RELL1: variants seen among roughly 807,000 people sequenced by gnomAD.
The protein encoded by RELL1 is RELT like 1.
RELL1 carries 10 observed loss-of-function variants against 23.0 expected under a neutral mutation model. That is an observed-to-expected ratio of 0.43 (90% CI 0.27 to 0.74). The LOEUF (loss-of-function observed/expected upper bound fraction) is 0.74. Among genes scored for constraint, RELL1 ranks in the 30% least tolerant of loss-of-function variants. The pLI, the probability that RELL1 is intolerant of heterozygous loss-of-function variation, is 0.19. For synonymous variants in RELL1, 146 were observed against 146.8 expected (o/e 0.99, Z 0.04); for missense variants, 315 against 364.4 (o/e 0.86, Z 1.10).
At chr4:37,679,112 G>A (rs531617807) in intron 1 of RELL1, among the ~76,000 whole-genome samples, 17 of 152,278 alleles carry the variant, frequency 1.1e-4, no homozygotes, top group Admixed American at 8.5e-4. Context: ...TAAGATGTCC[G>A]GCCCCTCTAC....
At chr4:37,605,237 G>A (rs943566660) in intron 6 of RELL1, among the ~76,000 whole-genome samples, 3 of 152,124 alleles carry the variant, frequency 2.0e-5, no homozygotes, top group African/African-American at 4.8e-5. Flanking sequence ...GTGTGTATCC[G>A]CATGGGTTGG....
intron 1 of RELL1, among the ~76,000 whole-genome samples, chr4:37,680,469 T>C (rs1024010863): frequency 5.3e-5 from 8 of 152,128 alleles, no homozygotes; most frequent in African/African-American, 1.4e-4. Context: ...AATAGATACA[T>C]AGAAGTAAAA....
intron 6 of RELL1, among the ~76,000 whole-genome samples, chr4:37,624,035 G>A (rs939743802): frequency 2.6e-5 from 4 of 152,236 alleles, no homozygotes; most frequent in East Asian, 1.9e-4. Context: ...CAAGCAGTAC[G>A]ACTTCCGAGG....
chr4:37,652,894 C>T (rs1560348526), intron 1 of RELL1, among the ~76,000 whole-genome samples: 2 of 152,136 alleles, frequency 1.3e-5, no homozygotes, highest in Non-Finnish European at 2.9e-5. Context: ...TCAGACCTGG[C>T]AGAAATAACA....
chr4:37,618,910 G>A (rs1486433351), intron 6 of RELL1, among the ~76,000 whole-genome samples: 5 of 151,126 alleles, frequency 3.3e-5, no homozygotes, highest in Non-Finnish European at 5.9e-5. Flanking sequence ...ACGGAGTTTC[G>A]CTCTCGTTGC....
In RELL1 at chr4:37,669,348, C is replaced by T. The variant is rs570966717; in HGVS notation, c.88+16852G>A. On this transcript the variant is annotated intron_variant, in intron 1 of 6. Coordinates refer to ENST00000454158, the MANE Select transcript of RELL1 (RefSeq NM_001085400.2). ...CCTCTGCCTGGCCAGCCGCTCCCTC[C>T]GGGAGGGAGGTGGGGGGGTCAGTCC... Among the ~76,000 whole-genome samples, 855 of 141,306 alleles carry T rather than the reference C, an allele frequency of 6.1e-3. 16 individuals are homozygous for T. The highest frequency in any genetic ancestry group is 0.022 in the African/African-American group (817 of 37,894). 92.7% of individuals were successfully genotyped at this position (141,306 alleles called of 152,430 possible).
downstream of RELL1, among the ~76,000 whole-genome samples, chr4:37,605,781 G>GAGAAAGAA (rs1719176564): frequency 8.4e-6 from 1 of 119,598 alleles, no homozygotes; most frequent in African/African-American, 3.2e-5. Flanking sequence ...GAGAGAGAGA[G>GAGAAAGAA]AGAGAAAGAA....
At chr4:37,634,765 G>A in intron 5 of RELL1, 122 bp downstream of exon 5, 1 of 858,764 alleles carries the variant, frequency 1.2e-6, no homozygotes, top group Non-Finnish European at 1.9e-6. Flanking sequence ...CATCTAAAAA[G>A]CCCAGAGATA....
intron 6 of RELL1, chr4:37,623,196 A>G: frequency 4.4e-6 from 1 of 226,632 alleles, no homozygotes; most frequent in Admixed American, 5.3e-5. Context: ...ACCTTCATCT[A>G]CCTGGAAGAA....
At chr4:37,633,030 A>T (rs1473612073) in intron 5 of RELL1, among the ~76,000 whole-genome samples, 1 of 152,212 alleles carries the variant, frequency 6.6e-6, no homozygotes, top group Non-Finnish European at 1.5e-5. Context: ...CTCTTAAGTA[A>T]TACATGCTGA....
intron 1 of RELL1, among the ~76,000 whole-genome samples, chr4:37,653,133 T>A (rs1721007288): frequency 6.6e-6 from 1 of 152,184 alleles, no homozygotes; most frequent in South Asian, 2.1e-4. Context: ...CGTTTCCTTT[T>A]GTTCTTAGGC....
At chr4:37,670,381 T>C (rs1354876320) in intron 1 of RELL1, among the ~76,000 whole-genome samples, 1 of 152,172 alleles carries the variant, frequency 6.6e-6, no homozygotes, top group Non-Finnish European at 1.5e-5. Flanking sequence ...CAATCCATCA[T>C]ATTGACATTT....
At chr4:37,669,736 C>A (rs1199657115) in intron 1 of RELL1, among the ~76,000 whole-genome samples, 1 of 152,164 alleles carries the variant, frequency 6.6e-6, no homozygotes, top group African/African-American at 2.4e-5. Context: ...ACCTTACCCC[C>A]AACCCAACCC....
intron 1 of RELL1, among the ~76,000 whole-genome samples, chr4:37,655,682 T>G (rs1049293867): frequency 6.6e-6 from 1 of 152,202 alleles, no homozygotes; most frequent in African/African-American, 2.4e-5. Context: ...TCACTTGGCA[T>G]CTTGAGGACA....
In RELL1 at chr4:37,611,368, T is replaced by C. The variant is rs980637224; in HGVS notation, c.*1978A>G. Among the ~76,000 whole-genome samples the C allele has an allele frequency of 5.9e-5, 9 of 152,176 alleles. No individual in the cohort carries two copies. Among genetic ancestry groups the C allele is most frequent in the African/African-American group, 1.9e-4 (8 of 41,420 alleles). ...CTCCAGTCCACAGTGTATATGAATA[T>C]GTACACATACAGTGTTTATTAGTTG... On this transcript the variant is annotated 3_prime_UTR_variant, in exon 7 of 7. Transcript: ENST00000454158.
downstream of RELL1, among the ~76,000 whole-genome samples, chr4:37,607,142 G>T (rs190683241): frequency 3.3e-5 from 5 of 152,266 alleles, no homozygotes; most frequent in East Asian, 9.6e-4. Flanking sequence ...CACAAGAAAA[G>T]ACTAAAGGGC....
intron 1 of RELL1, among the ~76,000 whole-genome samples, chr4:37,679,970 C>T (rs1175566801): frequency 2.0e-5 from 3 of 151,948 alleles, no homozygotes; most frequent in Non-Finnish European, 4.4e-5. Context: ...AATTAAAAAC[C>T]TCACATTAGT....
chr4:37,600,878 G>A (rs1215700278), intron 6 of RELL1, among the ~76,000 whole-genome samples: 2 of 151,736 alleles, frequency 1.3e-5, no homozygotes, highest in Non-Finnish European at 2.9e-5. Flanking sequence ...TTCAATTTGG[G>A]TATAATGTTA....
exon 7 of RELL1, chr4:37,591,004 A>C: frequency 6.3e-7 from 1 of 1,599,370 alleles, no homozygotes; most frequent in Non-Finnish European, 8.5e-7. Flanking sequence ...TGATTAGGGG[A>C]GGGGATTTGC....
Sources: allele counts gnomAD v4.1 joint callset (sites outside exome capture counted in the v4.1 genomes callset), GRCh38; gene constraint gnomAD v4.1.1; transcripts MANE v1.5; gene names NCBI Gene and HGNC (gene_info 2026-07-23, HGNC 2026-07-21).